Variants in STXBP5L observed in about 807,000 individuals in gnomAD.
The protein encoded by STXBP5L is syntaxin-binding protein 5-like.
STXBP5L carries 65 observed loss-of-function variants against 144.5 expected under a neutral mutation model. The observed-to-expected ratio is 0.45, with a 90% confidence interval of 0.37 to 0.55. The LOEUF (loss-of-function observed/expected upper bound fraction) is 0.55. Among genes scored for constraint, STXBP5L ranks in the 20% least tolerant of loss-of-function variants. STXBP5L has a pLI of 0.00. For synonymous variants in STXBP5L, 505 were observed against 469.6 expected (o/e 1.08, Z -0.97); for missense variants, 1,298 against 1,405.5 (o/e 0.92, Z 1.22).
intron 3 of STXBP5L, among the ~76,000 whole-genome samples, chr3:120,960,409 G>A (rs930505458): frequency 6.6e-6 from 1 of 152,196 alleles, no homozygotes; most frequent in Non-Finnish European, 1.5e-5. Flanking sequence ...CCATTACGGG[G>A]TATATACCGA....
chr3:121,018,389 C>A (rs1945293305), intron 3 of STXBP5L, among the ~76,000 whole-genome samples: 1 of 151,920 alleles, frequency 6.6e-6, no homozygotes, highest in South Asian at 2.1e-4. Context: ...ATCAATGATA[C>A]AAAATAGGTA....
At chr3:120,974,243 G>A (rs914859710) in intron 3 of STXBP5L, among the ~76,000 whole-genome samples, 11 of 152,124 alleles carry the variant, frequency 7.2e-5, no homozygotes, top group African/African-American at 1.4e-4. Context: ...TCTAACTGGT[G>A]TGAGATGGTA....
intron 3 of STXBP5L, among the ~76,000 whole-genome samples, chr3:120,988,786 A>G (rs549938617): frequency 6.6e-6 from 1 of 152,146 alleles, no homozygotes; most frequent in Non-Finnish European, 1.5e-5. Flanking sequence ...TTGTACCCAC[A>G]AGGTCATTTA....
chr3:121,093,661 C>T (rs986968615), intron 5 of STXBP5L, among the ~76,000 whole-genome samples: 1 of 152,108 alleles, frequency 6.6e-6, no homozygotes, highest in African/African-American at 2.4e-5. Flanking sequence ...ATTCTTCTCT[C>T]TTTTTTTCTT....
intron 5 of STXBP5L, among the ~76,000 whole-genome samples, chr3:121,071,694 G>GGGAT (rs1249562826): frequency 1.3e-5 from 2 of 152,202 alleles, no homozygotes; most frequent in African/African-American, 4.8e-5. Flanking sequence ...CAGGTTGGAA[G>GGGAT]GGATGTACTG....
chr3:121,347,730 G>T (rs958156598), intron 20 of STXBP5L, among the ~76,000 whole-genome samples: 3 of 152,120 alleles, frequency 2.0e-5, no homozygotes, highest in Non-Finnish European at 4.4e-5. Context: ...TTGTGAATGG[G>T]AGTTCACTCA....
intron 5 of STXBP5L, among the ~76,000 whole-genome samples, chr3:121,058,432 G>A (rs1166004662): frequency 6.6e-6 from 1 of 152,054 alleles, no homozygotes; most frequent in Non-Finnish European, 1.5e-5. Context: ...GCTGCAAAAA[G>A]CATGCATGTG....
At chr3:121,192,336 G>A (rs2047729828) in intron 9 of STXBP5L, among the ~76,000 whole-genome samples, 1 of 152,132 alleles carries the variant, frequency 6.6e-6, no homozygotes, top group Admixed American at 6.6e-5. Flanking sequence ...ACAAACAAAT[G>A]GAAGAACATT....
At chr3:121,094,370 G>C (rs1270567395) in intron 5 of STXBP5L, among the ~76,000 whole-genome samples, 1 of 151,932 alleles carries the variant, frequency 6.6e-6, no homozygotes. Flanking sequence ...TTGACAGTGG[G>C]GTGTTAAAGT....
At chr3:120,994,396 C>T (rs79655669) in intron 3 of STXBP5L, among the ~76,000 whole-genome samples, 18,255 of 151,970 alleles carry the variant, frequency 0.12, 1,151 homozygotes, top group Non-Finnish European at 0.14. Flanking sequence ...TCAGCATTTC[C>T]ACATTCAGTA....
intron 16 of STXBP5L, among the ~76,000 whole-genome samples, chr3:121,255,708 C>A (rs912827625): frequency 1.3e-5 from 2 of 151,900 alleles, no homozygotes; most frequent in Admixed American, 1.3e-4. Flanking sequence ...TAATGATTTT[C>A]TATGTAGCAA....
chr3:121,274,388 T>C (rs1488498180), intron 18 of STXBP5L, among the ~76,000 whole-genome samples: 2 of 152,230 alleles, frequency 1.3e-5, no homozygotes, highest in African/African-American at 4.8e-5. Flanking sequence ...AAGTTGCAGA[T>C]GTCTGTAGTA....
At chr3:120,929,293 G>A (rs1709798341) in intron 2 of STXBP5L, among the ~76,000 whole-genome samples, 3 of 152,244 alleles carry the variant, frequency 2.0e-5, no homozygotes, top group African/African-American at 7.2e-5. Flanking sequence ...TCCTTGTCTG[G>A]TTGCTGCAGA....
intron 19 of STXBP5L, among the ~76,000 whole-genome samples, chr3:121,301,858 G>A (rs1179782842): frequency 6.6e-6 from 1 of 152,144 alleles, no homozygotes; most frequent in African/African-American, 2.4e-5. Flanking sequence ...TTATTGATTT[G>A]CGTATGTTGA....
intron 9 of STXBP5L, among the ~76,000 whole-genome samples, chr3:121,188,660 A>C (rs1232571641): frequency 6.6e-6 from 1 of 152,234 alleles, no homozygotes; most frequent in Non-Finnish European, 1.5e-5. Context: ...CAACATACGC[A>C]AATCAATAAA....
At chr3:121,072,768 A>G (rs2041859910) in intron 5 of STXBP5L, among the ~76,000 whole-genome samples, 1 of 152,120 alleles carries the variant, frequency 6.6e-6, no homozygotes, top group Non-Finnish European at 1.5e-5. Flanking sequence ...GTTCTTTGCA[A>G]TGGATGACTG....
Position 121,378,846 on chromosome 3 carries a change from A to G in STXBP5L, c.2307A>G (p.Ser769=). The part of the protein sequence containing the change: ...PGRPPFRKAQ[S]AACMEISLPV... ...GACCACCATTTCGAAAGGCCCAGTCAGCAGCCTGCATGGAGATTTCTTTAC... is the reference window on the plus strand; with the variant it reads ...GACCACCATTTCGAAAGGCCCAGTCGGCAGCCTGCATGGAGATTTCTTTAC... Residue 769 remains serine, a synonymous_variant, in exon 21 of 27, where the codon TCA becomes TCG. Coordinates refer to ENST00000471454, the MANE Select transcript of STXBP5L (RefSeq NM_001308330.2). 6.2e-7 allele frequency: 1 copy of G among 1,613,728 alleles called. No homozygotes were observed.
rs985931473 is a variant in STXBP5L at position 121,420,310 on chromosome 3, T to C, written c.*1213T>C. On this transcript the variant is annotated 3_prime_UTR_variant, in exon 27 of 27. Coordinates refer to ENST00000471454, the MANE Select transcript of STXBP5L (RefSeq NM_001308330.2). ...TACCACTGGAAATCTTTATAAAATA[T>C]AGTGATCTGTTTGCTATCTTGGTCT... 2.0e-5 allele frequency: 3 copies of C among 152,212 alleles called. No individual in the cohort carries two copies. The highest frequency in any genetic ancestry group is 6.5e-5 in the Admixed American group (1 of 15,276). The allele number at this position is 152,212 out of a possible 1,614,324, so 9.4% of individuals were successfully genotyped here.
At chr3:121,007,428 A>G (rs972639759) in intron 3 of STXBP5L, among the ~76,000 whole-genome samples, 1 of 151,980 alleles carries the variant, frequency 6.6e-6, no homozygotes, top group African/African-American at 2.4e-5. Context: ...TCTATTCTAT[A>G]TTTGGGAAGA....
Sources: gnomAD v4.1 joint callset for allele counts (sites outside exome capture counted in the v4.1 genomes callset) on GRCh38, gnomAD v4.1.1 for gene constraint, MANE v1.5 for transcripts, NCBI Gene and HGNC (gene_info 2026-07-23, HGNC 2026-07-21) for gene names.